KIFC2: variants seen among roughly 807,000 people sequenced by gnomAD.
The protein encoded by KIFC2 is kinesin family member C2.
In KIFC2, 94 loss-of-function variants were observed where a neutral mutation model predicts 91.5. The observed-to-expected ratio is 1.03, with a 90% CI of 0.87 to 1.22. The LOEUF (loss-of-function observed/expected upper bound fraction) is 1.22. Ranked by LOEUF, KIFC2 falls within the 50% of genes most tolerant of loss-of-function variation. KIFC2 has a pLI of 0.00. For missense variants in KIFC2, 1,357 were observed against 1,103.3 expected, an observed-to-expected ratio of 1.23 and a Z score of -3.26; for synonymous variants, 729 against 503.9, an observed-to-expected ratio of 1.45 and a Z score of -5.98.
Position 144,467,099 on chromosome 8 carries a change from G to A in KIFC2, c.319G>A (p.Asp107Asn). ...GGAAGAGAGCTGCGGGGGCCCGGCG[G>A]ACCTGGGCCAGGTGAGCGCGGCGGA... Reference protein sequence around the residue: ...GAEESCGGPADLGQSGEVPSL... With the variant: ...GAEESCGGPANLGQSGEVPSL... Residue 107 changes from aspartate to asparagine, a missense_variant, in exon 3 of 18, where the codon GAC becomes AAC. Asp to Asn is a conservative substitution (Grantham distance 23). Coordinates refer to ENST00000645548, the MANE Select transcript of KIFC2 (RefSeq NM_001369769.2). 1 of 1,601,586 alleles carries A rather than the reference G, an allele frequency of 6.2e-7. No individual in the cohort carries two copies. The highest frequency in any genetic ancestry group is 8.5e-7 in the Non-Finnish European group (1 of 1,174,274).
At chr8:144,473,099 C>T (rs1396030063) in intron 17 of KIFC2, 33 bp from the exon 18 acceptor site, 1 of 1,539,828 alleles carries the variant, frequency 6.5e-7, no homozygotes. Context: ...CGCCGCCCAC[C>T]CGGGCCCGCC....
At position 144,467,414 on chromosome 8, in the gene KIFC2, G is replaced by A. The variant is rs995894062; in HGVS notation, c.470-71G>A. The A allele has an allele frequency of 7.8e-6, 12 of 1,544,156 alleles. No individual in the cohort carries two copies. In the African/African-American group the frequency reaches 1.4e-4, roughly 18 times the overall value. Reference sequence around the variant, plus strand: ...CCCGGTAGAACCTGGGCGGCCTGGAGTTCGGGGTCATGTTCCGGAAGATTT... The same window carrying A: ...CCCGGTAGAACCTGGGCGGCCTGGAATTCGGGGTCATGTTCCGGAAGATTT... On this transcript the variant is annotated intron_variant, in intron 4 of 17. Transcript: ENST00000645548.
chr8:144,472,952 G>A lies in KIFC2; in HGVS notation c.2019G>A (p.Leu673=). ...LLALGGVMAA[L]RAHRPHVPFR... is the part of the protein sequence containing the mutation. ...CGCTAGGAGGCGTGATGGCCGCACT[G>A]CGGGCCCACCGGCCGCACGTGCCCT... Residue 673 remains leucine (L), a synonymous_variant, in exon 17 of 18, where the codon CTG becomes CTA. Coordinates refer to ENST00000645548, the MANE Select transcript of KIFC2 (RefSeq NM_001369769.2). 5.4e-6 allele frequency: 8 copies of A among 1,471,750 alleles called. No individual in the cohort carries two copies. The highest frequency in any genetic ancestry group is 6.2e-6 in the Non-Finnish European group (7 of 1,120,546). The allele number at this position is 1,471,750 out of a possible 1,614,324, so 91.2% of individuals were successfully genotyped here.
chr8:144,468,471 T>A lies in KIFC2; in HGVS notation c.888+65T>A, dbSNP rs57613916. 4,828 of 1,571,416 alleles carry A rather than the reference T, an allele frequency of 3.1e-3. 83 individuals are homozygous for A. In the African/African-American group the frequency reaches 0.038, roughly 12 times the overall value. On this transcript the variant is annotated intron_variant, in intron 8 of 17. Coordinates refer to ENST00000645548, the MANE Select transcript of KIFC2 (RefSeq NM_001369769.2). ...GCGGGCTGGGGTTTTGGGAGGGGCT[T>A]ATCTGAGGCAGGGCCTGGTAAGTGC...
chr8:144,466,698 G>A (rs1291520423), intron 1 of KIFC2, 62 bp from the exon 2 acceptor site: 77 of 1,357,724 alleles, frequency 5.7e-5, no homozygotes, highest in Non-Finnish European at 6.7e-5. Flanking sequence ...CCGGTTCGCG[G>A]AGGGAAGGGG....
intron 2 of KIFC2, 21 bp from the exon 3 acceptor site, chr8:144,466,938 G>A (rs750314978): frequency 1.3e-6 from 2 of 1,583,600 alleles, no homozygotes; most frequent in Non-Finnish European, 1.7e-6. Flanking sequence ...AATGTCTCCC[G>A]CCCTCCTCCC....
intron 10 of KIFC2, 58 bp downstream of exon 10, chr8:144,468,892 T>C (rs1242078844): frequency 2.7e-5 from 38 of 1,429,776 alleles, no homozygotes; most frequent in South Asian, 1.9e-4. Flanking sequence ...ACTGTTCTTT[T>C]GACGGGGGCG....
At chr8:144,472,525 C>T (rs779648957) in intron 15 of KIFC2, 41 bp downstream of exon 15, 1 of 1,611,624 alleles carries the variant, frequency 6.2e-7, no homozygotes, top group Non-Finnish European at 8.5e-7. Flanking sequence ...CCCGTGCTTC[C>T]ACTTGGGGGC....
chr8:144,466,765 C>A lies in KIFC2; in HGVS notation c.105C>A (p.Ala35=), dbSNP rs1403577692. 2 of 1,530,984 alleles carry A rather than the reference C, an allele frequency of 1.3e-6. No individual in the cohort carries two copies. Among genetic ancestry groups the A allele is most frequent in the Non-Finnish European group, 1.7e-6 (2 of 1,145,858 alleles). The allele number at this position is 1,530,984 out of a possible 1,614,324, so 94.8% of individuals were successfully genotyped here. The change falls in exon 2 of 18, where the codon GCC becomes GCA. Residue 35 remains alanine (A), a synonymous_variant. Coordinates refer to ENST00000645548, the MANE Select transcript of KIFC2 (RefSeq NM_001369769.2). ...AAEPGDPAQR[A]RKPRGRRRPD... ...CGCCCCTGCCCCCTCCCTAGAGAGC[C>A]CGCAAGCCCCGGGGTCGCCGGCGCC...
In KIFC2 at chr8:144,472,602, G is replaced by C. The variant is rs200632014; in HGVS notation, c.1757G>C (p.Arg586Pro). 129 of 1,607,652 alleles carry C rather than the reference G, an allele frequency of 8.0e-5. No homozygotes were observed. The highest frequency in any genetic ancestry group is 5.9e-6 in the Non-Finnish European group (7 of 1,179,686). ...HQMLKLGRSN[R>P]ATAATAMNQR... is the part of the protein sequence containing the mutation. ...ATGCTGAAACTGGGGAGGAGCAACC[G>C]GGCCACCGCCGCCACCGCCATGAAC... is the stretch of plus-strand genomic sequence containing the variant. Residue 586 changes from arginine (R) to proline (P), a missense_variant, in exon 16 of 18, where the codon CGG (arginine) becomes CCG (proline). Coordinates refer to ENST00000645548, the MANE Select transcript of KIFC2 (RefSeq NM_001369769.2).
rs1040223005 is a variant in KIFC2, at chr8:144,468,264, C to T, written c.811-65C>T. 10 of 1,429,356 alleles carry T rather than the reference C, an allele frequency of 7.0e-6. No individual in the cohort carries two copies. The East Asian group carries it at 7.1e-5, about 10-fold the overall frequency. 88.5% of individuals were successfully genotyped at this position (1,429,356 alleles called of 1,614,324 possible). ...TGCCCACCTCTTGACTTGACTTTCC[C>T]ATCTGTGAAATGGTACCACAGACCG... On this transcript the variant is annotated intron_variant, in intron 7 of 17. Coordinates refer to ENST00000645548, the MANE Select transcript of KIFC2 (RefSeq NM_001369769.2).
Position 144,466,988 on chromosome 8 carries a change from G to A in KIFC2, c.208G>A (p.Gly70Ser), listed in dbSNP as rs966494425. Residue 70 changes from glycine (G) to serine (S), a missense_variant, in exon 3 of 18, where the codon GGC becomes AGC. Coordinates refer to ENST00000645548, the MANE Select transcript of KIFC2 (RefSeq NM_001369769.2). ...ASSEPEDGSE[G>S]AAEGRAAAVS... ...CTCCGAGCCTGAGGATGGGTCGGAAGGCGCAGCCGAGGGCCGCGCGGCCGC... is the reference window on the plus strand; with the variant it reads ...CTCCGAGCCTGAGGATGGGTCGGAAAGCGCAGCCGAGGGCCGCGCGGCCGC... 3.1e-6 allele frequency: 5 copies of A among 1,596,918 alleles called. No homozygotes were observed. The highest frequency in any genetic ancestry group is 4.2e-6 in the Non-Finnish European group (5 of 1,176,662).
rs1825031067 is a variant in KIFC2 at position 144,473,530 on chromosome 8, C to T, written c.*141C>T. 6.2e-6 allele frequency: 8 copies of T among 1,282,592 alleles called. 1 individual carries two copies. The East Asian group carries it at 1.1e-4, about 17-fold the overall frequency. The allele number at this position is 1,282,592 out of a possible 1,614,324, so 79.5% of individuals were successfully genotyped here. A position where few individuals can be genotyped will look rare whatever the true frequency, so the allele number is the denominator to read the frequency against. On this transcript the variant is annotated 3_prime_UTR_variant, in exon 18 of 18. Transcript: ENST00000645548. Reference sequence around the variant, plus strand: ...CATTGCCCCTGAGCTCCCAGAGTCACCCCTCCACCTCCGCAGCCAGTGAAG... The same window carrying T: ...CATTGCCCCTGAGCTCCCAGAGTCATCCCTCCACCTCCGCAGCCAGTGAAG...
At chr8:144,467,677 A>G (rs545137953) in intron 5 of KIFC2, 37 bp from the exon 6 acceptor site, 2 of 1,608,710 alleles carry the variant, frequency 1.2e-6, no homozygotes, top group African/African-American at 1.3e-5. Context: ...GACGCCAGAA[A>G]AAGGAGGTCC....
intron 12 of KIFC2, 31 bp downstream of exon 12, chr8:144,469,678 C>A: frequency 6.4e-7 from 1 of 1,554,936 alleles, no homozygotes; most frequent in South Asian, 1.2e-5. Context: ...CCATCCTGAC[C>A]CTTTTTCAGA....
In KIFC2 at chr8:144,472,882, C is replaced by T. The variant is rs1824990018; in HGVS notation, c.1949C>T (p.Ala650Val). ...CCGCCGCGGGGAGACCCAGACGGCG[C>T]CCGGCGCCTGCGGGAGGCCCAGACC... ...AGPPRGDPDG[A>V]RRLREAQTIN... is the part of the protein sequence containing the mutation. Residue 650 changes from alanine to valine, a missense_variant, in exon 17 of 18, where the codon GCC becomes GTC. Coordinates refer to ENST00000645548, the MANE Select transcript of KIFC2 (RefSeq NM_001369769.2). The T allele has an allele frequency of 9.2e-6, 14 of 1,525,030 alleles. No individual in the cohort carries two copies. The highest frequency in any genetic ancestry group is 3.7e-5 in the South Asian group (3 of 81,288). 94.5% of individuals were successfully genotyped at this position (1,525,030 alleles called of 1,614,324 possible).
chr8:144,466,887 C>T (rs924954201), intron 2 of KIFC2, 49 bp downstream of exon 2: 3 of 1,543,080 alleles, frequency 1.9e-6, no homozygotes, highest in Non-Finnish European at 2.6e-6. Flanking sequence ...GCCGGGACCT[C>T]CCAGGGAGGG....
At position 144,473,115 on chromosome 8, in the gene KIFC2, G is replaced by A; in HGVS notation, c.2119-17G>A. 6 of 986,184 alleles carry A rather than the reference G, an allele frequency of 6.1e-6. No individual in the cohort carries two copies. Among genetic ancestry groups the A allele is most frequent in the South Asian group, 4.1e-5 (3 of 73,278 alleles). The allele number at this position is 986,184 out of a possible 1,614,324, so 61.1% of individuals were successfully genotyped here. A position where few individuals can be genotyped will look rare whatever the true frequency, so the allele number is the denominator to read the frequency against. The stretch of plus-strand genomic sequence containing the variant: ...GCCGCCCACCCGGGCCCGCCCACCC[G>A]CGCCTCTTGCCCGCAGATCTCCACG... On this transcript the variant is annotated splice_polypyrimidine_tract_variant and intron_variant, in intron 17 of 17. Coordinates refer to ENST00000645548, the MANE Select transcript of KIFC2 (RefSeq NM_001369769.2).
rs1000272113 is a variant in KIFC2 at position 144,473,606 on chromosome 8, G to A, written c.*217G>A. 11 of 639,912 alleles carry A rather than the reference G, an allele frequency of 1.7e-5. No homozygotes were observed. The African/African-American group carries it at 2.0e-4, about 11-fold the overall frequency. 39.6% of individuals were successfully genotyped at this position (639,912 alleles called of 1,614,324 possible). A position where few individuals can be genotyped will look rare whatever the true frequency, so the allele number is the denominator to read the frequency against. ...CCCCCCGCCCCCAGCCCTGCATCAG[G>A]CCACAGGTCTTGGCTTTCTCCTTAT... On this transcript the variant is annotated 3_prime_UTR_variant, in exon 18 of 18. Transcript: ENST00000645548.
Sources: gnomAD v4.1 joint callset for allele counts on GRCh38, gnomAD v4.1.1 for gene constraint, MANE v1.5 for transcripts, NCBI Gene and HGNC (gene_info 2026-07-23, HGNC 2026-07-21) for gene names.